Variants in DRC11 observed in about 807,000 individuals in gnomAD.
The protein encoded by DRC11 is dynein regulatory complex subunit 11.
chr2:236,465,677 T>C, the DRC11 span: 1 of 1,612,326 alleles, frequency 6.2e-7, no homozygotes, highest in Non-Finnish European at 8.5e-7. The surrounding 1 kb of genome is among the most constrained non-coding windows in gnomAD (Gnocchi z 6.2). Context: ...TGGATTACTG[T>C]AGCACTGACT....
the DRC11 span, among the ~76,000 whole-genome samples, chr2:236,372,169 A>C: frequency 2.0e-5 from 3 of 152,182 alleles, no homozygotes; most frequent in African/African-American, 7.2e-5. The surrounding 1 kb of genome is among the most constrained non-coding windows in gnomAD (Gnocchi z 4.5). Context: ...ATTTTTGCAG[A>C]GCTCTAGTAT....
chr2:236,309,310 T>C, the DRC11 span, among the ~76,000 whole-genome samples: 1 of 152,060 alleles, frequency 6.6e-6, no homozygotes, highest in African/African-American at 2.4e-5. This position sits in a 1 kb window ranked among gnomAD's most constrained non-coding sequence, Gnocchi z 5.7. Flanking sequence ...CCAGTGAAAA[T>C]GTTCATTAAA....
At chr2:236,384,701 T>C in the DRC11 span, among the ~76,000 whole-genome samples, 1 of 151,490 alleles carries the variant, frequency 6.6e-6, no homozygotes, top group Admixed American at 6.6e-5. Flanking sequence ...TTTGTTGCCA[T>C]TGCTTTTGGT....
At chr2:236,338,364 T>C in the DRC11 span, 12 of 1,613,584 alleles carry the variant, frequency 7.4e-6, no homozygotes, top group Non-Finnish European at 1.0e-5. Context: ...AGGTGTTTTT[T>C]CAGGCGTTTA....
the DRC11 span, among the ~76,000 whole-genome samples, chr2:236,472,744 C>T: frequency 2.0e-5 from 3 of 152,204 alleles, no homozygotes; most frequent in Non-Finnish European, 4.4e-5. The surrounding 1 kb of genome is among the most constrained non-coding windows in gnomAD (Gnocchi z 4.6). Context: ...GTAGCACTCT[C>T]CAGCCCCTAC....
the DRC11 span, among the ~76,000 whole-genome samples, chr2:236,492,440 C>T: frequency 6.6e-6 from 1 of 152,220 alleles, no homozygotes. Flanking sequence ...CTGCCATCCT[C>T]AGCATACACT....
chr2:236,450,996 TC>T, the DRC11 span, among the ~76,000 whole-genome samples: 1 of 152,240 alleles, frequency 6.6e-6, no homozygotes, highest in Admixed American at 6.5e-5. Flanking sequence ...TTATCATCTT[TC>T]CATTTAACCA....
chr2:236,459,207 T>C, the DRC11 span, among the ~76,000 whole-genome samples: 1 of 152,132 alleles, frequency 6.6e-6, no homozygotes, highest in Admixed American at 6.5e-5. Context: ...CATTTTACAA[T>C]GCTTGCAACG....
the DRC11 span, among the ~76,000 whole-genome samples, chr2:236,435,340 C>T: frequency 5.5e-4 from 83 of 152,198 alleles, 1 homozygote; most frequent in Non-Finnish European, 1.0e-3. Flanking sequence ...GCACATGGGC[C>T]GGCTCTGGCC....
the DRC11 span, among the ~76,000 whole-genome samples, chr2:236,394,925 G>A: frequency 1.5e-4 from 23 of 152,242 alleles, 1 homozygote; most frequent in Non-Finnish European, 4.4e-5. The surrounding 1 kb of genome is among the most constrained non-coding windows in gnomAD (Gnocchi z 7.0). Context: ...CCAGCCCGTG[G>A]TGGCGCAAGG....
chr2:236,332,261 C>G, the DRC11 span: 1 of 152,282 alleles, frequency 6.6e-6, no homozygotes, highest in Admixed American at 6.5e-5. The surrounding 1 kb of genome is among the most constrained non-coding windows in gnomAD (Gnocchi z 5.1). Flanking sequence ...TGAGATATTT[C>G]AATCTGAACA....
At chr2:236,411,470 T>C in the DRC11 span, among the ~76,000 whole-genome samples, 8 of 152,120 alleles carry the variant, frequency 5.3e-5, no homozygotes, top group East Asian at 1.2e-3. Flanking sequence ...AGTTCAACCA[T>C]TGTGGAAGTC....
chr2:236,403,772 C>A, the DRC11 span, among the ~76,000 whole-genome samples: 3 of 152,078 alleles, frequency 2.0e-5, no homozygotes, highest in Non-Finnish European at 4.4e-5. Flanking sequence ...TGAGCAGCTA[C>A]TAAGGGTGGG....
chr2:236,459,561 GTA>G, the DRC11 span, among the ~76,000 whole-genome samples: 19 of 137,452 alleles, frequency 1.4e-4, no homozygotes, highest in South Asian at 4.4e-4. Flanking sequence ...ACATGTATAC[GTA>G]TATATGTGTA....
chr2:236,320,042 C>T, the DRC11 span, among the ~76,000 whole-genome samples: 9 of 152,218 alleles, frequency 5.9e-5, no homozygotes, highest in South Asian at 2.1e-4. Context: ...AGAGAGTGCT[C>T]GGTGAAAGAT....
At chr2:236,445,125 T>A in the DRC11 span, among the ~76,000 whole-genome samples, 8 of 152,238 alleles carry the variant, frequency 5.3e-5, no homozygotes, top group African/African-American at 1.9e-4. The surrounding 1 kb of genome is among the most constrained non-coding windows in gnomAD (Gnocchi z 4.8). Context: ...ACAAGGAACC[T>A]CATTGCATAA....
At chr2:236,350,261 T>C in the DRC11 span, among the ~76,000 whole-genome samples, 5 of 152,258 alleles carry the variant, frequency 3.3e-5, no homozygotes, top group African/African-American at 1.2e-4. This position sits in a 1 kb window ranked among gnomAD's most constrained non-coding sequence, Gnocchi z 5.2. Context: ...TCAGAACTAA[T>C]GGGGGAATTC....
the DRC11 span, chr2:236,338,258 T>C: frequency 2.5e-6 from 4 of 1,614,020 alleles, no homozygotes; most frequent in East Asian, 2.2e-5. Context: ...CTGGTAAACT[T>C]TGCAGAAAGA....
At chr2:236,486,808 T>G in the DRC11 span, 1 of 1,535,132 alleles carries the variant, frequency 6.5e-7, no homozygotes, top group Non-Finnish European at 9.0e-7. This position sits in a 1 kb window ranked among gnomAD's most constrained non-coding sequence, Gnocchi z 5.7. Context: ...AACCAGATGC[T>G]ATCTCTTAAA....
Sources: gnomAD v4.1 joint callset for allele counts (sites outside exome capture counted in the v4.1 genomes callset) on GRCh38, gnomAD v4.1.1 for gene constraint, Gnocchi (gnomAD v3.1) non-coding constraint, MANE v1.5 for transcripts, NCBI Gene and HGNC (gene_info 2026-07-23, HGNC 2026-07-21) for gene names.